CPLX2: variants seen among roughly 807,000 people sequenced by gnomAD.
CPLX2 encodes complexin 2.
CPLX2 carries 5 observed loss-of-function variants against 16.3 expected under a neutral mutation model. The ratio of observed to expected loss-of-function variants is 0.31; its 90% CI spans 0.16 to 0.64. The LOEUF is 0.64. Among genes scored for constraint, CPLX2 ranks in the 30% least tolerant of loss-of-function variants. The pLI is 0.79. For synonymous variants in CPLX2, 89 were observed against 73.2 expected, an observed-to-expected ratio of 1.22 and a Z score of -1.10; for missense variants, 144 against 181.4, an observed-to-expected ratio of 0.79 and a Z score of 1.18.
At position 175,880,028 on chromosome 5, in the gene CPLX2, G is replaced by T; in HGVS notation, c.388G>T (p.Asp130Tyr). 6.2e-7 allele frequency: 1 copy of T among 1,613,050 alleles called. No homozygotes were observed. The change falls in exon 4 of 4, where the codon GAC becomes TAC. Residue 130 changes from aspartate to tyrosine, a missense_variant. Asp to Tyr is a radical substitution (Grantham distance 160). Coordinates refer to ENST00000393745, the MANE Select transcript of CPLX2 (RefSeq NM_001008220.2). The stretch of plus-strand genomic sequence containing the variant: ...CAAATACCTGCCCGGGCCGCTGCAG[G>T]ACATGTTCAAGAAGTAACCAGGCCT... ...VLKYLPGPLQ[D>Y]MFKK
At chr5:175,831,466 G>A (rs551761677) in intron 2 of CPLX2, among the ~76,000 whole-genome samples, 6 of 152,296 alleles carry the variant, frequency 3.9e-5, no homozygotes, top group African/African-American at 9.6e-5. Context: ...CTGCCCTGAC[G>A]CAGGTGAGAA....
At chr5:175,797,430 C>G (rs1399210885) in intron 1 of CPLX2, among the ~76,000 whole-genome samples, 1 of 152,116 alleles carries the variant, frequency 6.6e-6, no homozygotes, top group Non-Finnish European at 1.5e-5. Flanking sequence ...GGTCCCGGCT[C>G]CGCTAGGCGG....
At chr5:175,813,212 A>G (rs948887330) in intron 2 of CPLX2, among the ~76,000 whole-genome samples, 1 of 152,272 alleles carries the variant, frequency 6.6e-6, no homozygotes, top group African/African-American at 2.4e-5. Context: ...TAACCAGCAC[A>G]CTAAACTGTG....
At chr5:175,815,415 C>T (rs1027232110) in intron 2 of CPLX2, among the ~76,000 whole-genome samples, 6 of 152,154 alleles carry the variant, frequency 3.9e-5, no homozygotes, top group South Asian at 4.1e-4. Context: ...AGGGGACAGA[C>T]ATGCTTAGCT....
chr5:175,862,514 T>TA (rs1343170004), intron 2 of CPLX2, among the ~76,000 whole-genome samples: 2 of 152,186 alleles, frequency 1.3e-5, no homozygotes, highest in African/African-American at 2.4e-5. Context: ...GGTTGTGGCA[T>TA]ATCCAAGAAC....
At position 175,878,730 on chromosome 5, in the gene CPLX2, AGCCGGCG is replaced by A; in HGVS notation, c.-7_-1del. 1 of 1,613,292 alleles carries A rather than the reference AGCCGGCG, an allele frequency of 6.2e-7. No homozygotes were observed. The highest frequency in any genetic ancestry group is 8.5e-7 in the Non-Finnish European group (1 of 1,179,832). On this transcript the variant is annotated 5_prime_UTR_variant, in exon 2 of 4. Transcript: ENST00000393745. ...CCGTGGGCTAAGGCACGCTAACCAG[AGCCGGCG>A]GCATGGACTTCGTCATGAAGCAGGC...
In CPLX2 at chr5:175,830,138, G is replaced by A. The variant is rs149266861; in HGVS notation, c.-89+21070G>A. 5.9e-5 allele frequency among the ~76,000 whole-genome samples: 9 copies of A among 152,326 alleles called. No homozygotes were observed. The highest frequency in any genetic ancestry group is 2.2e-4 in the African/African-American group (9 of 41,588). On this transcript the variant is annotated intron_variant, in intron 2 of 4. Transcript: ENST00000359546. The surrounding 1 kb of genome is among the most constrained non-coding windows in gnomAD (Gnocchi z 4.0). ...AGGTGATCCAGAAGAGAAGCAGTGA[G>A]AGCTGGAAGGGCACATGAAGGGCAG...
intron 2 of CPLX2, among the ~76,000 whole-genome samples, chr5:175,851,009 C>T (rs1021285501): frequency 6.6e-6 from 1 of 151,586 alleles, no homozygotes; most frequent in African/African-American, 2.4e-5. Flanking sequence ...GATTTGGCAT[C>T]CAAGCAGACC....
upstream of CPLX2, among the ~76,000 whole-genome samples, chr5:175,869,496 T>C (rs1759540754): frequency 6.6e-6 from 1 of 152,178 alleles, no homozygotes; most frequent in Non-Finnish European, 1.5e-5. Context: ...TTTCCCCCAT[T>C]GCCCTAATTC....
upstream of CPLX2, among the ~76,000 whole-genome samples, chr5:175,868,128 C>T (rs1441626912): frequency 6.6e-6 from 1 of 152,248 alleles, no homozygotes; most frequent in East Asian, 1.9e-4. Flanking sequence ...TAACTCCCAG[C>T]AAGCTCAGGA....
At chr5:175,875,555 G>A (rs1314436800) in intron 1 of CPLX2, among the ~76,000 whole-genome samples, 1 of 152,184 alleles carries the variant, frequency 6.6e-6, no homozygotes, top group Non-Finnish European at 1.5e-5. Flanking sequence ...TATCAATGAG[G>A]TTAGGTCAAT....
intron 1 of CPLX2, among the ~76,000 whole-genome samples, chr5:175,807,288 A>C (rs1387339617): frequency 6.6e-6 from 1 of 152,254 alleles, no homozygotes; most frequent in African/African-American, 2.4e-5. Context: ...ACAAAAGTTT[A>C]CTAAGCACAT....
At chr5:175,871,410 G>GGAGAGAGAGAGAGAGAGAGAGAGAGAGA (rs72487413), upstream of CPLX2, 1 of 28,682 alleles carries the variant, frequency 3.5e-5, no homozygotes, top group African/African-American at 1.3e-4. Flanking sequence ...AAGAGAGAGA[G>GGAGAGAGAGAGAGAGAGAGAGAGAGAGA]GAGAGAGAGA....
At chr5:175,814,693 G>A (rs1046413399) in intron 2 of CPLX2, among the ~76,000 whole-genome samples, 1 of 152,166 alleles carries the variant, frequency 6.6e-6, no homozygotes. Context: ...TATCAGATGG[G>A]ACCCAGAACC....
intron 1 of CPLX2, among the ~76,000 whole-genome samples, chr5:175,802,818 CCTTT>C (rs754996221): frequency 1.6e-4 from 24 of 152,150 alleles, no homozygotes; most frequent in Non-Finnish European, 2.1e-4. Context: ...TTCCTTCCTT[CCTTT>C]CTTTTTTTTT....
At chr5:175,873,096 C>T (rs1413907705) in intron 1 of CPLX2, 1 of 143,130 alleles carries the variant, frequency 7.0e-6, no homozygotes, top group Non-Finnish European at 1.5e-5. Flanking sequence ...ATCCCCCACC[C>T]ACCCCCACTC....
At position 175,880,910 on chromosome 5, in the gene CPLX2, T is replaced by C. The variant is rs1251322351; in HGVS notation, c.*865T>C. 6.6e-6 allele frequency: 1 copy of C among 152,652 alleles called. No homozygotes were observed. Among genetic ancestry groups the C allele is most frequent in the Non-Finnish European group, 1.5e-5 (1 of 68,088 alleles). 9.5% of individuals were successfully genotyped at this position (152,652 alleles called of 1,614,324 possible). ...CATTGGTGTGGCCAAGCTGCCCCCA[T>C]TCCTATCCACCCCTCTCCCCACCCC... On this transcript the variant is annotated 3_prime_UTR_variant, in exon 4 of 4. Coordinates refer to ENST00000393745, the MANE Select transcript of CPLX2 (RefSeq NM_001008220.2).
At chr5:175,804,300 A>G (rs1422364344) in intron 1 of CPLX2, among the ~76,000 whole-genome samples, 2 of 152,174 alleles carry the variant, frequency 1.3e-5, no homozygotes, top group South Asian at 2.1e-4. Flanking sequence ...CAGTCTGCTC[A>G]TGGTGAACCA....
intron 2 of CPLX2, among the ~76,000 whole-genome samples, chr5:175,852,203 G>A (rs904742571): frequency 3.3e-5 from 5 of 152,192 alleles, no homozygotes; most frequent in African/African-American, 9.7e-5. Flanking sequence ...AGGTGGTTAC[G>A]AATAATAAAA....
Sources: allele counts gnomAD v4.1 joint callset (sites outside exome capture counted in the v4.1 genomes callset), GRCh38; gene constraint gnomAD v4.1.1; non-coding constraint Gnocchi (gnomAD v3.1); transcripts MANE v1.5; gene names NCBI Gene and HGNC (gene_info 2026-07-23, HGNC 2026-07-21).